LRP1B: variants seen among roughly 807,000 people sequenced by gnomAD.
LRP1B encodes the protein low-density lipoprotein receptor-related protein 1B.
In LRP1B, 217 loss-of-function variants were observed where a neutral mutation model predicts 556.6. The observed-to-expected ratio is 0.39, with a 90% CI of 0.35 to 0.44. The LOEUF (loss-of-function observed/expected upper bound fraction) is 0.44. Among genes scored for constraint, LRP1B ranks in the 20% least tolerant of loss-of-function variants. The pLI, the probability that LRP1B is intolerant of heterozygous loss-of-function variation, is 1.00. For missense variants in LRP1B, 5,053 were observed against 5,620.8 expected, an observed-to-expected ratio of 0.90 and a Z score of 3.23; for synonymous variants, 2,047 against 1,865.8, an observed-to-expected ratio of 1.10 and a Z score of -2.50.
chr2:141,943,673 T>A (rs950816909), intron 1 of LRP1B, among the ~76,000 whole-genome samples: 1 of 151,624 alleles, frequency 6.6e-6, no homozygotes, highest in African/African-American at 2.4e-5. Flanking sequence ...AGTTTCTTGA[T>A]CTATTTTTTT....
chr2:141,744,015 A>G (rs1016625801), intron 2 of LRP1B, among the ~76,000 whole-genome samples: 4 of 150,408 alleles, frequency 2.7e-5, no homozygotes, highest in Non-Finnish European at 5.9e-5. Flanking sequence ...GATCTTTATT[A>G]TTTCTTTTCT....
chr2:140,930,731 T>C (rs554699369), intron 20 of LRP1B, among the ~76,000 whole-genome samples: 48 of 152,268 alleles, frequency 3.2e-4, no homozygotes, highest in African/African-American at 9.6e-4. Flanking sequence ...AAGCACTGTA[T>C]ATTGGATGTG....
chr2:140,882,471 A>G (rs1216569151), intron 25 of LRP1B, among the ~76,000 whole-genome samples: 1 of 152,182 alleles, frequency 6.6e-6, no homozygotes, highest in Admixed American at 6.6e-5. Flanking sequence ...TTGTTACCAA[A>G]TCTCCCTATT....
chr2:140,854,237 G>C (rs1334622414), intron 27 of LRP1B, among the ~76,000 whole-genome samples: 1 of 151,894 alleles, frequency 6.6e-6, no homozygotes, highest in African/African-American at 2.4e-5. Flanking sequence ...ATTTCACTTT[G>C]AACATCATTA....
intron 66 of LRP1B, among the ~76,000 whole-genome samples, chr2:140,426,958 C>T (rs1685686129): frequency 6.6e-6 from 1 of 152,178 alleles, no homozygotes; most frequent in African/African-American, 2.4e-5. Flanking sequence ...TGGAAAGCAG[C>T]CTCTTTTTAC....
chr2:140,650,307 ATTTTTATTTATTTATTTATTTATTTATT>A (rs1456229455), intron 41 of LRP1B, among the ~76,000 whole-genome samples: 114 of 139,134 alleles, frequency 8.2e-4, no homozygotes, highest in African/African-American at 2.3e-3. Flanking sequence ...CTTTATTTTT[ATTTTTATTTATTTATTTATTTATTTATT>A]TATTTATTTA....
chr2:140,515,782 A>C (rs2104935387), intron 50 of LRP1B, among the ~76,000 whole-genome samples: 1 of 152,178 alleles, frequency 6.6e-6, no homozygotes, highest in African/African-American at 2.4e-5. Context: ...TCTGGCTCTA[A>C]TGTAAAGATA....
intron 1 of LRP1B, among the ~76,000 whole-genome samples, chr2:142,008,296 C>T (rs141132033): frequency 1.3e-5 from 2 of 152,214 alleles, no homozygotes; most frequent in African/African-American, 4.8e-5. Context: ...GTGCTCTAGC[C>T]GGTGATAACA....
At chr2:141,970,721 C>A (rs1701704510) in intron 1 of LRP1B, among the ~76,000 whole-genome samples, 1 of 151,520 alleles carries the variant, frequency 6.6e-6, no homozygotes, top group South Asian at 2.1e-4. Context: ...CCTTTATCAA[C>A]CATTAGCTTA....
rs181594978 is a variant in LRP1B at position 140,266,725 on chromosome 2, A to G, written c.13247+3517T>C. Among the ~76,000 whole-genome samples, 48 of 152,166 alleles carry G rather than the reference A, an allele frequency of 3.2e-4. No individual in the cohort carries two copies. In the East Asian group the frequency reaches 8.1e-3, roughly 26 times the overall value. ...TAAAACTACAATATGTTTTCTAAAA[A>G]TACTGTGAACATGTCTCTTCACGTA... On this transcript the variant is annotated intron_variant, in intron 86 of 90. Coordinates refer to ENST00000389484, the MANE Select transcript of LRP1B (RefSeq NM_018557.3).
chr2:140,251,623 T>A (rs1681421380), intron 86 of LRP1B, among the ~76,000 whole-genome samples: 2 of 151,912 alleles, frequency 1.3e-5, no homozygotes, highest in South Asian at 4.1e-4. Flanking sequence ...AGGTTGCCCT[T>A]ATTAACCATG....
At chr2:141,229,899 C>A (rs1396153043) in intron 5 of LRP1B, among the ~76,000 whole-genome samples, 2 of 152,148 alleles carry the variant, frequency 1.3e-5, no homozygotes, top group Admixed American at 6.6e-5. Flanking sequence ...AAAGAGTGCA[C>A]CTGTGACTTT....
At position 141,198,410 on chromosome 2, in the gene LRP1B, C is replaced by A. The variant is rs528024276; in HGVS notation, c.851-9827G>T. Among the ~76,000 whole-genome samples the A allele has an allele frequency of 2.0e-5, 3 of 152,230 alleles. No individual in the cohort carries two copies. The East Asian group carries it at 5.8e-4, about 30-fold the overall frequency. On this transcript the variant is annotated intron_variant, in intron 6 of 90. Coordinates refer to ENST00000389484, the MANE Select transcript of LRP1B (RefSeq NM_018557.3). ...GACTGTCCCCATCTATGCTCCGATC[C>A]TGTTTCTTAAACAGATAAAATGAAT...
chr2:141,912,892 G>C (rs981948054), intron 1 of LRP1B, among the ~76,000 whole-genome samples: 1 of 152,104 alleles, frequency 6.6e-6, no homozygotes, highest in African/African-American at 2.4e-5. Context: ...CTACTCTTCA[G>C]CCAATTCAGC....
At chr2:141,796,578 C>CTTTTTTTTT (rs75317117) in intron 2 of LRP1B, among the ~76,000 whole-genome samples, 9 of 127,560 alleles carry the variant, frequency 7.1e-5, no homozygotes, top group East Asian at 2.3e-4. Flanking sequence ...GCATTTTATT[C>CTTTTTTTTT]TTTTTTTTTT....
At position 141,155,804 on chromosome 2, in the gene LRP1B, A is replaced by C. The variant is rs556378682; in HGVS notation, c.1013+32617T>G. On this transcript the variant is annotated intron_variant, in intron 7 of 90. Coordinates refer to ENST00000389484, the MANE Select transcript of LRP1B (RefSeq NM_018557.3). ...TGATACAATTTTAAAAATTACATTT[A>C]CTAGTATTTCCAAAGCTAACAAATA... Among the ~76,000 whole-genome samples the C allele has an allele frequency of 3.9e-5, 6 of 152,320 alleles. No individual in the cohort carries two copies. The East Asian group carries it at 1.2e-3, about 29-fold the overall frequency.
chr2:140,669,076 T>C (rs1462339753), intron 41 of LRP1B, among the ~76,000 whole-genome samples: 3 of 152,184 alleles, frequency 2.0e-5, no homozygotes, highest in African/African-American at 2.4e-5. Context: ...TATTTCACTG[T>C]ATCGTTGAGA....
At chr2:140,971,548 A>G (rs1380203887) in intron 18 of LRP1B, among the ~76,000 whole-genome samples, 1 of 152,190 alleles carries the variant, frequency 6.6e-6, no homozygotes. Flanking sequence ...TTTTAAGATA[A>G]GAATCAAGGC....
At chr2:141,488,996 A>G (rs1423479547) in intron 2 of LRP1B, among the ~76,000 whole-genome samples, 1 of 146,276 alleles carries the variant, frequency 6.8e-6, no homozygotes, top group Non-Finnish European at 1.5e-5. Context: ...TGTTTTTTTG[A>G]GACGGGGTCT....
Sources: allele counts gnomAD v4.1 joint callset (sites outside exome capture counted in the v4.1 genomes callset), GRCh38; gene constraint gnomAD v4.1.1; transcripts MANE v1.5; gene names NCBI Gene and HGNC (gene_info 2026-07-23, HGNC 2026-07-21).